ITGA2: variants seen among roughly 807,000 people sequenced by gnomAD.
ITGA2 encodes the protein integrin subunit alpha 2.
Under a neutral mutation model 146.3 loss-of-function variants are expected in ITGA2, and 101 were observed. The ratio of observed to expected loss-of-function variants is 0.69; its 90% CI spans 0.59 to 0.81. ITGA2 has a LOEUF of 0.81. Ranked by LOEUF, ITGA2 falls within the 40% of genes least tolerant of loss-of-function variation. ITGA2 has a pLI of 0.00. For missense variants in ITGA2, 1,281 were observed against 1,402.7 expected (o/e 0.91, Z 1.39); for synonymous variants, 477 against 487.1 (o/e 0.98, Z 0.27).
At chr5:52,999,540 G>A (rs1226145452) in intron 1 of ITGA2, among the ~76,000 whole-genome samples, 1 of 152,086 alleles carries the variant, frequency 6.6e-6, no homozygotes, top group African/African-American at 2.4e-5. Context: ...CAGCATATCT[G>A]TGTTGATACC....
Position 53,072,179 on chromosome 5 carries a change from T to C in ITGA2, c.2346+131T>C, listed in dbSNP as rs1383704245. 4 of 719,988 alleles carry C rather than the reference T, an allele frequency of 5.6e-6. No homozygotes were observed. In the South Asian group the frequency reaches 6.1e-5, roughly 11 times the overall value. 44.6% of individuals were successfully genotyped at this position (719,988 alleles called of 1,614,324 possible). A position where few individuals can be genotyped will look rare whatever the true frequency, so the allele number is the denominator to read the frequency against. On this transcript the variant is annotated intron_variant, in intron 18 of 29. Transcript: ENST00000296585. ...TTTCTAAATGAACTACAATTACATA[T>C]GCATAAAGTTCACTAACACTTAAGT...
At chr5:52,995,357 T>C (rs4865755) in intron 1 of ITGA2, among the ~76,000 whole-genome samples, 28,050 of 152,124 alleles carry the variant, frequency 0.18, 2,873 homozygotes, top group Middle Eastern at 0.26. Context: ...GTTTGGGTTT[T>C]AGTTTTAGTT....
intron 1 of ITGA2, among the ~76,000 whole-genome samples, chr5:53,008,911 G>A (rs1243495933): frequency 6.6e-6 from 1 of 152,120 alleles, no homozygotes; most frequent in Non-Finnish European, 1.5e-5. Context: ...GCATGAGTCA[G>A]AGAAGGACTT....
chr5:53,058,709 T>G (rs1204368773), intron 10 of ITGA2, among the ~76,000 whole-genome samples: 1 of 151,506 alleles, frequency 6.6e-6, no homozygotes, highest in African/African-American at 2.4e-5. Flanking sequence ...ATCCTGGGAA[T>G]TATTTAAGGA....
intron 9 of ITGA2, among the ~76,000 whole-genome samples, chr5:53,056,592 G>C (rs1744646055): frequency 6.6e-6 from 1 of 151,912 alleles, no homozygotes; most frequent in African/African-American, 2.4e-5. Flanking sequence ...TTTTTACACT[G>C]TGTTATGTAA....
chr5:52,998,875 A>G (rs1741423662), intron 1 of ITGA2, among the ~76,000 whole-genome samples: 1 of 152,234 alleles, frequency 6.6e-6, no homozygotes, highest in Non-Finnish European at 1.5e-5. Context: ...ATGAAGGCCA[A>G]GCTGAAAAAT....
Position 53,092,030 on chromosome 5 carries a change from G to T in ITGA2, c.*1431G>T, listed in dbSNP as rs1350795909. 6.6e-6 allele frequency: 1 copy of T among 152,116 alleles called. No individual in the cohort carries two copies. Among genetic ancestry groups the T allele is most frequent in the Non-Finnish European group, 1.5e-5 (1 of 68,032 alleles). The allele number at this position is 152,116 out of a possible 1,614,324, so 9.4% of individuals were successfully genotyped here. A position where few individuals can be genotyped will look rare whatever the true frequency, so the allele number is the denominator to read the frequency against. ...GATGATTTGGTCAGATTGGGATAAG[G>T]CCCAGCAATCTGCATTTTAACAAGC... is the stretch of plus-strand genomic sequence containing the variant. On this transcript the variant is annotated 3_prime_UTR_variant, in exon 30 of 30. Transcript: ENST00000296585.
intron 27 of ITGA2, among the ~76,000 whole-genome samples, chr5:53,083,773 CT>C (rs1416035834): frequency 6.6e-6 from 1 of 152,164 alleles, no homozygotes; most frequent in Non-Finnish European, 1.5e-5. Flanking sequence ...CTTTGTCCCC[CT>C]CTAGGGGTTC....
At chr5:53,012,875 C>A (rs1277772900) in intron 1 of ITGA2, among the ~76,000 whole-genome samples, 1 of 152,064 alleles carries the variant, frequency 6.6e-6, no homozygotes, top group Admixed American at 6.6e-5. Context: ...TTTTCATATA[C>A]TTGTTGGCCA....
intron 1 of ITGA2, among the ~76,000 whole-genome samples, chr5:53,010,627 T>C (rs1443094090): frequency 6.6e-6 from 1 of 152,166 alleles, no homozygotes; most frequent in Non-Finnish European, 1.5e-5. Flanking sequence ...TGACAATATT[T>C]AGATGAGATT....
chr5:53,039,834 A>G (rs1409295794), intron 2 of ITGA2, among the ~76,000 whole-genome samples: 2 of 151,212 alleles, frequency 1.3e-5, no homozygotes, highest in Non-Finnish European at 2.9e-5. Flanking sequence ...AGAATCATCC[A>G]TTCATTTGCT....
At chr5:53,074,977 A>T in intron 21 of ITGA2, 84 bp from the exon 22 acceptor site, 1 of 888,936 alleles carries the variant, frequency 1.1e-6, no homozygotes, top group Non-Finnish European at 1.9e-6. Context: ...GAGTGAGTTT[A>T]CTTTTATGAG....
intron 2 of ITGA2, among the ~76,000 whole-genome samples, chr5:53,039,227 G>A (rs780722132): frequency 6.6e-6 from 1 of 152,202 alleles, no homozygotes; most frequent in African/African-American, 2.4e-5. Context: ...CCAAGGGGCA[G>A]AGCCACACTT....
At chr5:53,000,623 A>G (rs1257838769) in intron 1 of ITGA2, among the ~76,000 whole-genome samples, 1 of 152,090 alleles carries the variant, frequency 6.6e-6, no homozygotes, top group Non-Finnish European at 1.5e-5. Context: ...TAAAACATTC[A>G]TTGAGTTCTT....
In ITGA2 at chr5:53,091,042, C is replaced by A. The variant is rs947982401; in HGVS notation, c.*443C>A. The stretch of plus-strand genomic sequence containing the variant: ...AGTGCTTGATATGTAAGTACTTCCA[C>A]TTGTGTATATTTTAATGAATATTGA... On this transcript the variant is annotated 3_prime_UTR_variant, in exon 30 of 30. Coordinates refer to ENST00000296585, the MANE Select transcript of ITGA2 (RefSeq NM_002203.4). 5.4e-5 allele frequency: 18 copies of A among 335,162 alleles called. No homozygotes were observed. The highest frequency in any genetic ancestry group is 3.2e-4 in the African/African-American group (15 of 46,410). 20.8% of individuals were successfully genotyped at this position (335,162 alleles called of 1,614,324 possible).
At position 53,048,689 on chromosome 5, in the gene ITGA2, T is replaced by C; in HGVS notation, c.549T>C (p.Asn183=). Residue 183 remains asparagine (N), a synonymous_variant, in exon 6 of 30, where the codon AAT becomes AAC. Coordinates refer to ENST00000296585, the MANE Select transcript of ITGA2 (RefSeq NM_002203.4). ...TTGTGGTTGTGTGTGATGAATCAAA[T>C]AGTATTTATCCTTGGGATGCAGTAA... ...IDVVVVCDES[N]SIYPWDAVKN... The C allele has an allele frequency of 6.2e-7, 1 of 1,614,052 alleles. No individual in the cohort carries two copies. Among genetic ancestry groups the C allele is most frequent in the Non-Finnish European group, 8.5e-7 (1 of 1,179,924 alleles).
intron 3 of ITGA2, among the ~76,000 whole-genome samples, chr5:53,042,534 A>C (rs1047811848): frequency 6.6e-6 from 1 of 152,120 alleles, no homozygotes; most frequent in East Asian, 1.9e-4. Context: ...GAGGCTATCC[A>C]TATTTCTTTC....
At chr5:53,014,328 G>A (rs182212987) in intron 1 of ITGA2, among the ~76,000 whole-genome samples, 5 of 152,104 alleles carry the variant, frequency 3.3e-5, no homozygotes, top group African/African-American at 1.2e-4. Flanking sequence ...GAATTTTATC[G>A]AAAGGTTTTT....
chr5:53,055,982 A>G lies in ITGA2; in HGVS notation c.931-2A>G. 1 of 1,608,336 alleles carries G rather than the reference A, an allele frequency of 6.2e-7. No individual in the cohort carries two copies. Among genetic ancestry groups the G allele is most frequent in the Non-Finnish European group, 8.5e-7 (1 of 1,177,276 alleles). On this transcript the variant is annotated splice_acceptor_variant, in intron 8 of 29. Coordinates refer to ENST00000296585, the MANE Select transcript of ITGA2 (RefSeq NM_002203.4). LOFTEE classifies it high-confidence loss of function. ...TGCACATTCTCTTCCTCTATTTTCA[A>G]GGTTCTTGGGTACTTAAACAGAAAC...
Sources: gnomAD v4.1 joint callset for allele counts (sites outside exome capture counted in the v4.1 genomes callset) on GRCh38, gnomAD v4.1.1 for gene constraint, MANE v1.5 for transcripts, NCBI Gene and HGNC (gene_info 2026-07-23, HGNC 2026-07-21) for gene names.